Variants in THRA observed in about 807,000 individuals in gnomAD.
THRA encodes the protein thyroid hormone receptor alpha.
A neutral mutation model predicts 45.0 loss-of-function variants in THRA; 13 were observed. The ratio of observed to expected loss-of-function variants is 0.29; its 90% confidence interval spans 0.19 to 0.46. The LOEUF is 0.46. Ranked by LOEUF, THRA falls within the 20% of genes least tolerant of loss-of-function variation. The pLI is 1.00. For synonymous variants in THRA, 195 were observed against 214.0 expected, an observed-to-expected ratio of 0.91 and a Z score of 0.78; for missense variants, 278 against 556.1, an observed-to-expected ratio of 0.50 and a Z score of 5.03.
At chr17:40,070,815 C>T (rs1008340887) in intron 1 of THRA, among the ~76,000 whole-genome samples, 1 of 151,868 alleles carries the variant, frequency 6.6e-6, no homozygotes, top group African/African-American at 2.4e-5. Context: ...ATTCCTACGC[C>T]CCCCTCCCCC....
chr17:40,082,391 T>C (rs559046855), intron 4 of THRA, among the ~76,000 whole-genome samples: 1 of 151,744 alleles, frequency 6.6e-6, no homozygotes, highest in Non-Finnish European at 1.5e-5. Context: ...ATTTTTTCTT[T>C]TTTTTTTCTT....
chr17:40,082,758 C>CCTTTTTTTTTTTTTTTTTTTT (rs1389256940), intron 4 of THRA, among the ~76,000 whole-genome samples: 3 of 67,516 alleles, frequency 4.4e-5, no homozygotes, highest in Non-Finnish European at 8.6e-5. Flanking sequence ...GAATCGCATG[C>CCTTTTTTTTTTTTTTTTTTTT]TTTTTTTTTT....
intron 8 of THRA, among the ~76,000 whole-genome samples, chr17:40,088,990 C>A (rs1598398488): frequency 7.8e-6 from 1 of 128,584 alleles, no homozygotes; most frequent in African/African-American, 3.1e-5. Context: ...CCCCTCCCCC[C>A]AGTACCCCCC....
At position 40,076,886 on chromosome 17, in the gene THRA, T is replaced by C; in HGVS notation, c.69T>C (p.Asp23=). The C allele has an allele frequency of 6.2e-7, 1 of 1,614,068 alleles. No individual in the cohort carries two copies. The highest frequency in any genetic ancestry group is 1.1e-5 in the South Asian group (1 of 91,078). Residue 23 remains aspartate, a synonymous_variant, in exon 3 of 9, where the codon GAT becomes GAC. Transcript: ENST00000450525. The part of the protein sequence containing the change: ...DPEENSARSP[D]GKRKRKNGQC... The stretch of plus-strand genomic sequence containing the variant: ...CTCCATCCAGTGCCAGGTCACCAGA[T>C]GGAAAGCGAAAAAGAAAGAACGGCC...
intron 7 of THRA, 100 bp from the exon 8 acceptor site, chr17:40,088,142 G>A: frequency 2.7e-6 from 4 of 1,462,596 alleles, no homozygotes; most frequent in East Asian, 2.3e-5. Flanking sequence ...AGTCCATGGG[G>A]GCCTTGCGGG....
intron 1 of THRA, among the ~76,000 whole-genome samples, chr17:40,063,604 TTCCCCCGCC>T (rs1000329559): frequency 6.6e-6 from 1 of 151,612 alleles, no homozygotes; most frequent in African/African-American, 2.4e-5. Flanking sequence ...GAGAGGGAAG[TTCCCCCGCC>T]TCACCCGCCT....
At chr17:40,093,707 G>T, downstream of THRA, 1 of 641,104 alleles carries the variant, frequency 1.6e-6, no homozygotes, top group Non-Finnish European at 2.7e-6. The surrounding 1 kb of genome is among the most constrained non-coding windows in gnomAD (Gnocchi z 5.9). Flanking sequence ...TGCTTCCTTG[G>T]TTCATGCTTC....
At chr17:40,086,408 T>C (rs1209339490) in intron 6 of THRA, among the ~76,000 whole-genome samples, 1 of 152,186 alleles carries the variant, frequency 6.6e-6, no homozygotes, top group Non-Finnish European at 1.5e-5. Context: ...CCTTTTAGGA[T>C]TATGGTCAGG....
chr17:40,076,742 G>C lies in THRA; in HGVS notation c.54-129G>C, dbSNP rs376786886. 209 of 903,896 alleles carry C rather than the reference G, an allele frequency of 2.3e-4. No individual in the cohort carries two copies. The African/African-American group carries it at 2.7e-3, about 12-fold the overall frequency. The allele number at this position is 903,896 out of a possible 1,614,324, so 56.0% of individuals were successfully genotyped here. A position where few individuals can be genotyped will look rare whatever the true frequency, so the allele number is the denominator to read the frequency against. The stretch of plus-strand genomic sequence containing the variant: ...TTTAAGCATTGTCAGCTGACCCTGG[G>C]GGGTGGGAGGTAGAATGAGGACACA... On this transcript the variant is annotated intron_variant, in intron 2 of 8. Transcript: ENST00000450525.
At position 40,089,536 on chromosome 17, in the gene THRA, AC is replaced by A. The variant is rs981726905; in HGVS notation, c.*87del. The A allele has an allele frequency of 1.1e-5, 17 of 1,515,870 alleles. No individual in the cohort carries two copies. The highest frequency in any genetic ancestry group is 2.8e-5 in the African/African-American group (2 of 71,526). 93.9% of individuals were successfully genotyped at this position (1,515,870 alleles called of 1,614,324 possible). A position where few individuals can be genotyped will look rare whatever the true frequency, so the allele number is the denominator to read the frequency against. Reference sequence around the variant, plus strand: ...GGGGCAGAGCTGGGGGCTGAGGGAGACCCCCCCACACCCCTTCTCTCCTTCC... The same window carrying A: ...GGGGCAGAGCTGGGGGCTGAGGGAGACCCCCCACACCCCTTCTCTCCTTCC... On this transcript the variant is annotated 3_prime_UTR_variant, in exon 9 of 9. Transcript: ENST00000450525. The surrounding 1 kb of genome is among the most constrained non-coding windows in gnomAD (Gnocchi z 6.1).
chr17:40,067,398 T>C (rs1217238500), intron 1 of THRA, among the ~76,000 whole-genome samples: 1 of 152,166 alleles, frequency 6.6e-6, no homozygotes, highest in East Asian at 1.9e-4. Context: ...GTGCCCTTCC[T>C]CCCTCCTGGG....
chr17:40,072,907 C>T (rs894034889), intron 1 of THRA, among the ~76,000 whole-genome samples: 1 of 152,160 alleles, frequency 6.6e-6, no homozygotes, highest in African/African-American at 2.4e-5. Context: ...CCACCCCAGT[C>T]TCCTGTCCAG....
intron 6 of THRA, among the ~76,000 whole-genome samples, chr17:40,086,413 G>A (rs1258989870): frequency 6.6e-6 from 1 of 152,158 alleles, no homozygotes; most frequent in African/African-American, 2.4e-5. Flanking sequence ...TAGGATTATG[G>A]TCAGGATGAA....
In THRA at chr17:40,089,216, C is replaced by T. The variant is rs142697613; in HGVS notation, c.993C>T (p.Gly331=). ...CCTCTTCCCTCACAGACCGCTCGGG[C>T]CTGCTGTGTGTGGACAAGATCGAGA... ...AVLLMSTDRS[G]LLCVDKIEKS... is the part of the protein sequence containing the mutation. Residue 331 remains glycine (G), a synonymous_variant, in exon 9 of 9, where the codon GGC becomes GGT. Transcript: ENST00000450525. This position sits in a 1 kb window ranked among gnomAD's most constrained non-coding sequence, Gnocchi z 6.1. 248 of 1,613,796 alleles carry T rather than the reference C, an allele frequency of 1.5e-4. No homozygotes were observed. Among genetic ancestry groups the T allele is most frequent in the Admixed American group, 1.7e-4 (10 of 59,994 alleles).
At chr17:40,083,748 AC>A in intron 4 of THRA, 86 bp from the exon 5 acceptor site, 1 of 1,478,476 alleles carries the variant, frequency 6.8e-7, no homozygotes, top group Non-Finnish European at 9.0e-7. Context: ...CTTGCTCTCC[AC>A]CCCTGACCCC....
intron 1 of THRA, among the ~76,000 whole-genome samples, chr17:40,066,670 A>T (rs1986580563): frequency 7.8e-6 from 1 of 128,438 alleles, no homozygotes; most frequent in Non-Finnish European, 1.6e-5. Flanking sequence ...TCTCAAAAAA[A>T]AAAAAAAAAA....
chr17:40,077,641 A>T (rs1355110571), intron 4 of THRA, 33 bp downstream of exon 4: 3 of 1,569,592 alleles, frequency 1.9e-6, no homozygotes, highest in Non-Finnish European at 2.6e-6. Context: ...CTCCCCTGCC[A>T]CCTGAGCCCC....
rs1987452535 is a variant in THRA, at chr17:40,089,382, C to T, written c.1159C>T (p.His387Tyr). The T allele has an allele frequency of 6.2e-7, 1 of 1,614,070 alleles. No individual in the cohort carries two copies. Among genetic ancestry groups the T allele is most frequent in the Non-Finnish European group, 8.5e-7 (1 of 1,180,036 alleles). The change falls in exon 9 of 9, where the codon CAC (histidine) becomes TAC (tyrosine). Residue 387 changes from histidine (H) to tyrosine (Y), a missense_variant. Physicochemically the swap from His to Tyr is moderately conservative, Grantham distance 83. Around this residue, in one of 6 missense-constraint regions of THRA, gnomAD observed 14 missense variants for 56.3 expected, o/e 0.25. Transcript: ENST00000450525. The surrounding 1 kb of genome is among the most constrained non-coding windows in gnomAD (Gnocchi z 6.1). ...GGCCTGCCACGCCAGCCGCTTCCTC[C>T]ACATGAAAGTCGAGTGCCCCACCGA... is the stretch of plus-strand genomic sequence containing the variant. ...IGACHASRFL[H>Y]MKVECPTELF...
downstream of THRA, chr17:40,093,580 C>T (rs1347302381): frequency 1.1e-6 from 1 of 875,696 alleles, no homozygotes; most frequent in Admixed American, 2.9e-5. The surrounding 1 kb of genome is among the most constrained non-coding windows in gnomAD (Gnocchi z 5.9). Flanking sequence ...GTGTAGTTCC[C>T]TCTGCCTGGG....
Sources: allele counts gnomAD v4.1 joint callset (sites outside exome capture counted in the v4.1 genomes callset), GRCh38; gene constraint gnomAD v4.1.1; regional missense constraint gnomAD v4.1.1; non-coding constraint Gnocchi (gnomAD v3.1); transcripts MANE v1.5; gene names NCBI Gene and HGNC (gene_info 2026-07-23, HGNC 2026-07-21).